Variants in PER3 observed in about 807,000 individuals in gnomAD.
PER3 encodes period circadian regulator 3.
A neutral mutation model predicts 127.2 loss-of-function variants in PER3; 107 were observed. That is an observed-to-expected ratio of 0.84 (90% CI 0.72 to 0.99). The LOEUF is 0.99. PER3 is among the 50% of genes least tolerant of loss of function. The pLI, the probability that PER3 is intolerant of heterozygous loss-of-function variation, is 0.00. For synonymous variants in PER3, 618 were observed against 585.8 expected, an observed-to-expected ratio of 1.05 and a Z score of -0.79; for missense variants, 1,560 against 1,525.8, an observed-to-expected ratio of 1.02 and a Z score of -0.37.
chr1:7,788,511 T>C, intron 5 of PER3: 1 of 366,908 alleles, frequency 2.7e-6, no homozygotes, highest in South Asian at 5.5e-5. Context: ...TGTATAGTGG[T>C]TTAGTTGCTA....
intron 7 of PER3, among the ~76,000 whole-genome samples, chr1:7,799,623 A>T (rs2097161289): frequency 6.6e-6 from 1 of 152,066 alleles, no homozygotes; most frequent in Non-Finnish European, 1.5e-5. Flanking sequence ...AAAAAAAAAA[A>T]AAAAAAAGAT....
chr1:7,803,574 C>T (rs950366455), intron 9 of PER3, 118 bp from the exon 10 acceptor site: 22 of 663,294 alleles, frequency 3.3e-5, no homozygotes, highest in Middle Eastern at 4.1e-4. Context: ...GGCAACAGAG[C>T]GAGACTCAAT....
Position 7,826,066 on chromosome 1 carries a change from CAAATG to C in PER3, c.1958-412_1958-408del, listed in dbSNP as rs2097300230. On this transcript the variant is annotated intron_variant, in intron 16 of 21. Transcript: ENST00000377532. The surrounding 1 kb of genome is among the most constrained non-coding windows in gnomAD (Gnocchi z 4.2). The stretch of plus-strand genomic sequence containing the variant: ...GCGGAATGGTCTTCTGCAGGGGAAA[CAAATG>C]AGAACTAGACAGAGCGTGGACGGGG... 1.3e-5 allele frequency among the ~76,000 whole-genome samples: 2 copies of C among 152,248 alleles called. No homozygotes were observed. The highest frequency in any genetic ancestry group is 3.9e-4 in the East Asian group (2 of 5,184).
intron 13 of PER3, among the ~76,000 whole-genome samples, chr1:7,814,163 GCCTCAAA>G (rs1221445010): frequency 6.6e-6 from 1 of 152,198 alleles, no homozygotes; most frequent in Non-Finnish European, 1.5e-5. Context: ...TTTGGAGACA[GCCTCAAA>G]CTGTCCAACA....
rs371669928 is a variant in PER3, at chr1:7,788,225, T to C, written c.571T>C (p.Trp191Arg). 1.9e-6 allele frequency: 3 copies of C among 1,613,444 alleles called. No homozygotes were observed. Among genetic ancestry groups the C allele is most frequent in the Non-Finnish European group, 2.5e-6 (3 of 1,179,452 alleles). ...AHTARAQLPF[W>R]NNWTQRAAAR... Reference sequence around the variant, plus strand: ...CACTGCCAGAGCTCAGCTTCCTTTCTGGAACAACTGGACCCAAAGAGGTAA... The same window carrying C: ...CACTGCCAGAGCTCAGCTTCCTTTCCGGAACAACTGGACCCAAAGAGGTAA... Residue 191 changes from tryptophan (W) to arginine (R), a missense_variant, in exon 5 of 22, where the codon TGG (tryptophan) becomes CGG (arginine). Physicochemically the swap from Trp to Arg is moderately radical, Grantham distance 101 (BLOSUM62 -3). Coordinates refer to ENST00000377532, the MANE Select transcript of PER3 (RefSeq NM_001377275.1).
chr1:7,790,239 G>A (rs1228436357), intron 5 of PER3, among the ~76,000 whole-genome samples: 1 of 152,212 alleles, frequency 6.6e-6, no homozygotes, highest in African/African-American at 2.4e-5. Context: ...AAGGAAAGAA[G>A]TTTAATTGAC....
In PER3 at chr1:7,810,598, C is replaced by T. The variant is rs1414017816; in HGVS notation, c.1522+10C>T. The T allele has an allele frequency of 6.2e-7, 1 of 1,600,978 alleles. No individual in the cohort carries two copies. Among genetic ancestry groups the T allele is most frequent in the South Asian group, 1.1e-5 (1 of 88,778 alleles). Reference sequence around the variant, plus strand: ...TCAGCGAATGGTGGTGGTGAGTCAGCCGGCAGCCCCAAGGATCTCCTTCCA... The same window carrying T: ...TCAGCGAATGGTGGTGGTGAGTCAGTCGGCAGCCCCAAGGATCTCCTTCCA... On this transcript the variant is annotated intron_variant, in intron 13 of 21. Transcript: ENST00000377532.
Position 7,837,146 on chromosome 1 carries a change from T to C in PER3, c.3546T>C (p.Ile1182=). The part of the protein sequence containing the change: ...QSQTVTQEID[I]QACVTCENED... Reference sequence around the variant, plus strand: ...AGACTGTCACTCAAGAAATCGACATTCAAGTAAGCACAGTAATAATGGCTG... The same window carrying C: ...AGACTGTCACTCAAGAAATCGACATCCAAGTAAGCACAGTAATAATGGCTG... The change falls in exon 21 of 22, where the codon ATT becomes ATC. Residue 1182 remains isoleucine, a synonymous_variant. Transcript: ENST00000377532. The C allele has an allele frequency of 6.2e-7, 1 of 1,613,054 alleles. No individual in the cohort carries two copies. The highest frequency in any genetic ancestry group is 8.5e-7 in the Non-Finnish European group (1 of 1,179,558).
At chr1:7,805,335 T>C (rs148944409) in intron 10 of PER3, among the ~76,000 whole-genome samples, 117 of 152,328 alleles carry the variant, frequency 7.7e-4, no homozygotes, top group African/African-American at 2.8e-3. Flanking sequence ...TACATGAACA[T>C]GAACCTGAGA....
chr1:7,815,241 T>C (rs559781937), intron 13 of PER3, among the ~76,000 whole-genome samples: 68 of 152,346 alleles, frequency 4.5e-4, no homozygotes, highest in African/African-American at 1.5e-3. Flanking sequence ...TTCAATCCAG[T>C]TATTCATATT....
At position 7,827,398 on chromosome 1, in the gene PER3, A is replaced by G. The variant is rs1159389292; in HGVS notation, c.2469A>G (p.Ala823=). 8 of 1,613,986 alleles carry G rather than the reference A, an allele frequency of 5.0e-6. No homozygotes were observed. The highest frequency in any genetic ancestry group is 1.7e-5 in the Admixed American group (1 of 60,008). Residue 823 remains alanine (A), a synonymous_variant, in exon 18 of 22, where the codon GCA becomes GCG. Transcript: ENST00000377532. The part of the protein sequence containing the change: ...PAATSPGREY[A]APGTAPEGLH... ...CGACCTCACCCGGAAGAGAATACGC[A>G]GCCCCCGGAACTGCACCGGAAGGCC... is the stretch of plus-strand genomic sequence containing the variant.
At chr1:7,832,531 A>G (rs2097336716) in intron 19 of PER3, among the ~76,000 whole-genome samples, 1 of 150,960 alleles carries the variant, frequency 6.6e-6, no homozygotes, top group African/African-American at 2.4e-5. Context: ...CCGCCACCAC[A>G]CCCAGTTGAT....
chr1:7,804,297 G>A (rs2097183327), intron 10 of PER3, among the ~76,000 whole-genome samples: 1 of 147,262 alleles, frequency 6.8e-6, no homozygotes, highest in Non-Finnish European at 1.5e-5. Context: ...GGACCTACAA[G>A]TGTTTCTTTC....
intron 10 of PER3, among the ~76,000 whole-genome samples, chr1:7,806,599 G>A (rs939313482): frequency 1.3e-5 from 2 of 151,544 alleles, no homozygotes; most frequent in Non-Finnish European, 2.9e-5. Flanking sequence ...ACTGGCCTGG[G>A]CAAGATAGTG....
At chr1:7,824,989 C>T (rs1301906164) in intron 16 of PER3, among the ~76,000 whole-genome samples, 1 of 152,104 alleles carries the variant, frequency 6.6e-6, no homozygotes, top group African/African-American at 2.4e-5. Flanking sequence ...GTTTCTTATC[C>T]TCGGGGGTCA....
In PER3 at chr1:7,804,420, G is replaced by A. The variant is rs12080532; in HGVS notation, c.1136+572G>A. Among the ~76,000 whole-genome samples, 157 of 137,258 alleles carry A rather than the reference G, an allele frequency of 1.1e-3. No homozygotes were observed. In the Middle Eastern group the frequency reaches 0.019, roughly 17 times the overall value. The allele number at this position is 137,258 out of a possible 152,430, so 90.0% of individuals were successfully genotyped here. On this transcript the variant is annotated intron_variant, in intron 10 of 21. Coordinates refer to ENST00000377532, the MANE Select transcript of PER3 (RefSeq NM_001377275.1). ...TGTCTTTTTTTTTTTTTTTCTTTGA[G>A]ACAGGTTCTCCCTCTGTTGCCCAGG...
rs12027673 is a variant in PER3, at chr1:7,831,802, G to A, written c.3214+1641G>A. Among the ~76,000 whole-genome samples, 51 of 152,066 alleles carry A rather than the reference G, an allele frequency of 3.4e-4. No homozygotes were observed. The East Asian group carries it at 8.1e-3, about 24-fold the overall frequency. On this transcript the variant is annotated intron_variant, in intron 19 of 21. Coordinates refer to ENST00000377532, the MANE Select transcript of PER3 (RefSeq NM_001377275.1). Reference sequence around the variant, plus strand: ...GATTATCTTCCTAATATTTTGTTACGCATTATTGCATCTCTGTGCAGAATA... The same window carrying A: ...GATTATCTTCCTAATATTTTGTTACACATTATTGCATCTCTGTGCAGAATA...
At chr1:7,838,286 A>G (rs970433987) in intron 21 of PER3, among the ~76,000 whole-genome samples, 4 of 152,188 alleles carry the variant, frequency 2.6e-5, no homozygotes, top group Admixed American at 2.6e-4. Flanking sequence ...ACATTATGCA[A>G]CCATCACCAC....
intron 13 of PER3, among the ~76,000 whole-genome samples, chr1:7,817,376 CG>C (rs1202692456): frequency 6.6e-6 from 1 of 152,170 alleles, no homozygotes; most frequent in Non-Finnish European, 1.5e-5. Flanking sequence ...CCTAAACACA[CG>C]GAAGGGGTGG....
Sources: gnomAD v4.1 joint callset for allele counts (sites outside exome capture counted in the v4.1 genomes callset) on GRCh38, gnomAD v4.1.1 for gene constraint, Gnocchi (gnomAD v3.1) non-coding constraint, MANE v1.5 for transcripts, NCBI Gene and HGNC (gene_info 2026-07-23, HGNC 2026-07-21) for gene names.